Variants in CLOCK observed in about 807,000 individuals in gnomAD.
CLOCK encodes clock circadian regulator, also known as circadian locomoter output cycles protein kaput.
A neutral mutation model predicts 118.4 loss-of-function variants in CLOCK; 43 were observed. The observed-to-expected ratio is 0.36, with a 90% confidence interval of 0.28 to 0.47. The LOEUF (loss-of-function observed/expected upper bound fraction) is 0.47. CLOCK is among the 20% of genes least tolerant of loss of function. CLOCK has a pLI of 1.00. For missense variants in CLOCK, 846 were observed against 999.9 expected (o/e 0.85, Z 2.08); for synonymous variants, 326 against 339.2 (o/e 0.96, Z 0.43).
Position 55,544,851 on chromosome 4 carries a change from CA to C in CLOCK, c.-290+1930del, listed in dbSNP as rs562586841. On this transcript the variant is annotated intron_variant, in intron 1 of 22. Coordinates refer to ENST00000513440, the MANE Select transcript of CLOCK (RefSeq NM_004898.4). ...TCCCATAATTTCTTTATATAAAGAG[CA>C]AACATAAACTTGTATTATTACACCT... Among the ~76,000 whole-genome samples, 22 of 152,256 alleles carry C rather than the reference CA, an allele frequency of 1.4e-4. No homozygotes were observed. The East Asian group carries it at 1.9e-3, about 13-fold the overall frequency.
chr4:55,498,234 A>T (rs980604268), intron 2 of CLOCK, among the ~76,000 whole-genome samples: 2 of 152,206 alleles, frequency 1.3e-5, no homozygotes, highest in African/African-American at 4.8e-5. Flanking sequence ...CAAGGCCACA[A>T]GTATTCCCCT....
At chr4:55,457,876 A>G (rs1032951684) in intron 11 of CLOCK, among the ~76,000 whole-genome samples, 1 of 152,210 alleles carries the variant, frequency 6.6e-6, no homozygotes, top group Admixed American at 6.5e-5. Context: ...GTTTCCTTAT[A>G]ATGTAAAATG....
intron 1 of CLOCK, among the ~76,000 whole-genome samples, chr4:55,540,109 G>C (rs1731166571): frequency 6.6e-6 from 1 of 151,022 alleles, no homozygotes; most frequent in Non-Finnish European, 1.5e-5. Flanking sequence ...CTGGGTTCAA[G>C]CAATTCTCCT....
At chr4:55,449,291 A>T in intron 17 of CLOCK, 105 bp downstream of exon 17, 1 of 1,041,472 alleles carries the variant, frequency 9.6e-7, no homozygotes. Flanking sequence ...AACTATTTTG[A>T]TCTTTACAAA....
intron 2 of CLOCK, among the ~76,000 whole-genome samples, chr4:55,502,056 G>C (rs1224471421): frequency 5.3e-5 from 8 of 152,158 alleles, no homozygotes; most frequent in Non-Finnish European, 8.8e-5. Context: ...AAAACGCCCT[G>C]AGAGAAATTA....
intron 4 of CLOCK, 29 bp downstream of exon 4, chr4:55,482,710 T>C (rs1727015672): frequency 6.8e-7 from 1 of 1,478,344 alleles, no homozygotes; most frequent in African/African-American, 1.4e-5. Flanking sequence ...TAATTATATA[T>C]AACTTAAAAT....
At chr4:55,531,653 C>T (rs7669635) in intron 1 of CLOCK, among the ~76,000 whole-genome samples, 48,934 of 135,294 alleles carry the variant, frequency 0.36, 8,894 homozygotes, top group East Asian at 0.61. Context: ...TGTAGTGAGT[C>T]GAGATCACGC....
At chr4:55,456,158 A>C in intron 12 of CLOCK, 60 bp downstream of exon 12, 4 of 1,387,094 alleles carry the variant, frequency 2.9e-6, no homozygotes, top group Non-Finnish European at 4.0e-6. Flanking sequence ...TTGATCCATT[A>C]ATTTCAAGAA....
chr4:55,454,468 AGCCAG>A (rs1206697150), intron 13 of CLOCK, among the ~76,000 whole-genome samples: 1 of 151,900 alleles, frequency 6.6e-6, no homozygotes, highest in Non-Finnish European at 1.5e-5. Context: ...TACAAAAATT[AGCCAG>A]GCATGGTGGT....
intron 6 of CLOCK, 29 bp from the exon 7 acceptor site, chr4:55,476,083 T>C (rs748196433): frequency 3.1e-5 from 45 of 1,446,718 alleles, no homozygotes; most frequent in Non-Finnish European, 2.3e-5. Context: ...ATTAGTGGCA[T>C]ACTCCAACCA....
At chr4:55,529,839 G>C (rs1364851847) in intron 1 of CLOCK, among the ~76,000 whole-genome samples, 1 of 152,174 alleles carries the variant, frequency 6.6e-6, no homozygotes, top group Non-Finnish European at 1.5e-5. Context: ...CTACTATCCT[G>C]TGTTGTCTCT....
At chr4:55,436,062 C>G (rs1343291199) in intron 22 of CLOCK, among the ~76,000 whole-genome samples, 1 of 152,146 alleles carries the variant, frequency 6.6e-6, no homozygotes, top group Non-Finnish European at 1.5e-5. Context: ...CTGAATGGTT[C>G]AAACTTGGGC....
intron 22 of CLOCK, 120 bp from the exon 23 acceptor site, chr4:55,435,714 T>C: frequency 2.1e-6 from 2 of 962,370 alleles, no homozygotes; most frequent in East Asian, 5.2e-5. Context: ...ATAATGCATA[T>C]CACTTTCACT....
chr4:55,491,672 G>A (rs1410020453), intron 2 of CLOCK, among the ~76,000 whole-genome samples: 1 of 151,984 alleles, frequency 6.6e-6, no homozygotes, highest in Non-Finnish European at 1.5e-5. Flanking sequence ...TATTCATAAT[G>A]GTCTAAAACT....
At chr4:55,444,497 T>C (rs1039875344) in intron 19 of CLOCK, 136 bp downstream of exon 19, 6 of 1,002,420 alleles carry the variant, frequency 6.0e-6, no homozygotes, top group Admixed American at 1.8e-5. Flanking sequence ...ACTGAGTAGG[T>C]AACCAGTGAA....
intron 1 of CLOCK, among the ~76,000 whole-genome samples, chr4:55,515,833 T>C (rs760128788): frequency 6.6e-6 from 1 of 152,244 alleles, no homozygotes; most frequent in Non-Finnish European, 1.5e-5. Flanking sequence ...AGGCATTCCA[T>C]TTGTTGCATC....
chr4:55,474,347 A>G (rs1346147333), intron 7 of CLOCK, among the ~76,000 whole-genome samples: 1 of 152,204 alleles, frequency 6.6e-6, no homozygotes, highest in Non-Finnish European at 1.5e-5. Flanking sequence ...AAAAGTTAGA[A>G]GAGAACAGAG....
At chr4:55,527,759 T>C (rs1323440581) in intron 1 of CLOCK, among the ~76,000 whole-genome samples, 1 of 152,114 alleles carries the variant, frequency 6.6e-6, no homozygotes, top group African/African-American at 2.4e-5. Context: ...AAAGAAAATA[T>C]CAGCTGGGTG....
intron 6 of CLOCK, among the ~76,000 whole-genome samples, chr4:55,477,017 G>A (rs932195991): frequency 3.5e-4 from 53 of 152,026 alleles, no homozygotes; most frequent in Non-Finnish European, 5.9e-5. Context: ...CTAAGAAGTA[G>A]AGCTACTAAA....
Sources: gnomAD v4.1 joint callset for allele counts (sites outside exome capture counted in the v4.1 genomes callset) on GRCh38, gnomAD v4.1.1 for gene constraint, MANE v1.5 for transcripts, NCBI Gene and HGNC (gene_info 2026-07-23, HGNC 2026-07-21) for gene names.